The following PTPRG variants were observed in gnomAD, a reference collection of about 807,000 sequenced individuals.
The protein encoded by PTPRG is protein tyrosine phosphatase receptor type G.
PTPRG carries 102 observed loss-of-function variants against 165.3 expected under a neutral mutation model. That is an observed-to-expected ratio of 0.62 (90% CI 0.53 to 0.73). PTPRG has a LOEUF of 0.73. PTPRG is among the 30% of genes least tolerant of loss of function. The probability of loss-of-function intolerance (pLI) is 0.00; values close to 1 mark genes in which losing one functional copy is unlikely to be tolerated. For synonymous variants in PTPRG, 675 were observed against 669.5 expected (o/e 1.01, Z -0.13); for missense variants, 1,866 against 1,861.4 (o/e 1.00, Z -0.05).
intron 4 of PTPRG, among the ~76,000 whole-genome samples, chr3:62,004,258 C>T (rs963322086): frequency 1.3e-5 from 2 of 152,018 alleles, no homozygotes; most frequent in African/African-American, 4.8e-5. Context: ...TGGTAGGTCC[C>T]CCATGTGGTA....
In PTPRG at chr3:62,182,223, C is replaced by T. The variant is rs116636982; in HGVS notation, c.1034-9246C>T. ...TTGCCCTGTCTCAGGGGTGGAAATT[C>T]ACTTATAAATTGACCCATGCAGTTC... is the stretch of plus-strand genomic sequence containing the variant. On this transcript the variant is annotated intron_variant, in intron 8 of 29. Transcript: ENST00000474889. 8.2e-3 allele frequency among the ~76,000 whole-genome samples: 1,242 copies of T among 152,200 alleles called. 14 individuals are homozygous for T. The highest frequency in any genetic ancestry group is 0.029 in the African/African-American group (1,186 of 41,504).
At chr3:61,730,981 G>C (rs1038807656) in intron 1 of PTPRG, among the ~76,000 whole-genome samples, 1 of 152,144 alleles carries the variant, frequency 6.6e-6, no homozygotes, top group Admixed American at 6.5e-5. Context: ...TGTATTTGCT[G>C]TGGGCCCCTT....
At chr3:62,145,049 A>G (rs1704068669) in intron 6 of PTPRG, among the ~76,000 whole-genome samples, 1 of 152,080 alleles carries the variant, frequency 6.6e-6, no homozygotes, top group Non-Finnish European at 1.5e-5. Context: ...CCTACTGCAA[A>G]AGTGCCTGCT....
At chr3:62,122,947 C>A (rs1480565943) in intron 5 of PTPRG, among the ~76,000 whole-genome samples, 3 of 152,160 alleles carry the variant, frequency 2.0e-5, no homozygotes, top group African/African-American at 7.2e-5. Flanking sequence ...AGAACTAGAT[C>A]ATCAGTTCTA....
chr3:61,905,405 T>C (rs1251283697), intron 2 of PTPRG, among the ~76,000 whole-genome samples: 4 of 152,186 alleles, frequency 2.6e-5, no homozygotes, highest in African/African-American at 9.7e-5. Flanking sequence ...TGTTTTTTAA[T>C]GGATCACTTC....
At chr3:61,831,588 A>G (rs989323000) in intron 2 of PTPRG, among the ~76,000 whole-genome samples, 7 of 141,838 alleles carry the variant, frequency 4.9e-5, no homozygotes, top group African/African-American at 1.2e-4. Context: ...GACAGCATCC[A>G]TCTGGTATCT....
chr3:61,738,932 T>C (rs1489607493), intron 1 of PTPRG, among the ~76,000 whole-genome samples: 1 of 149,832 alleles, frequency 6.7e-6, no homozygotes, highest in Non-Finnish European at 1.5e-5. Flanking sequence ...TGGCTAATTT[T>C]CATTTTTATT....
chr3:62,069,683 C>CACA (rs1701142686), intron 4 of PTPRG, among the ~76,000 whole-genome samples: 1 of 146,188 alleles, frequency 6.8e-6, no homozygotes, highest in South Asian at 2.2e-4. Flanking sequence ...CTCTCTCTCT[C>CACA]TCACACACAG....
intron 1 of PTPRG, among the ~76,000 whole-genome samples, chr3:61,610,775 C>A (rs1405746574): frequency 4.1e-5 from 6 of 145,780 alleles, no homozygotes; most frequent in African/African-American, 1.6e-4. Flanking sequence ...CCCTCCCTAC[C>A]TCCCTCCCTC....
At chr3:62,078,079 AAT>A in intron 4 of PTPRG, 82 bp from the exon 5 acceptor site, 1 of 852,554 alleles carries the variant, frequency 1.2e-6, no homozygotes, top group Non-Finnish European at 1.8e-6. Context: ...GCAACTGGGG[AAT>A]ATACATTTAT....
At chr3:61,992,555 T>C (rs527688880) in intron 3 of PTPRG, among the ~76,000 whole-genome samples, 4 of 151,902 alleles carry the variant, frequency 2.6e-5, no homozygotes, top group African/African-American at 9.7e-5. Context: ...GTCTCGCTCT[T>C]GTCACCCAGG....
intron 1 of PTPRG, among the ~76,000 whole-genome samples, chr3:61,611,152 A>T (rs202161654): frequency 3.3e-5 from 5 of 152,164 alleles, no homozygotes; most frequent in Non-Finnish European, 7.3e-5. Context: ...CAGAGATCCT[A>T]ATCATCCTGT....
At chr3:61,781,152 T>C (rs960360328) in intron 2 of PTPRG, among the ~76,000 whole-genome samples, 1 of 152,238 alleles carries the variant, frequency 6.6e-6, no homozygotes, top group East Asian at 1.9e-4. Flanking sequence ...GGAGGAAAGA[T>C]GCCTTGGGGC....
At chr3:61,746,391 AG>A (rs1386938808) in intron 1 of PTPRG, among the ~76,000 whole-genome samples, 1 of 151,734 alleles carries the variant, frequency 6.6e-6, no homozygotes, top group East Asian at 1.9e-4. Flanking sequence ...TTGTATTTTT[AG>A]TAGAGACAGG....
rs1559743166 is a variant in PTPRG at position 62,273,685 on chromosome 3, T to C, written c.3319-13T>C. 3.1e-6 allele frequency: 5 copies of C among 1,612,468 alleles called. No homozygotes were observed. Among genetic ancestry groups the C allele is most frequent in the Non-Finnish European group, 4.2e-6 (5 of 1,178,640 alleles). On this transcript the variant is annotated splice_polypyrimidine_tract_variant and intron_variant, in intron 22 of 29. Transcript: ENST00000474889. This position sits in a 1 kb window ranked among gnomAD's most constrained non-coding sequence, Gnocchi z 4.1. ...ACACTCCCTCAGTGACTACCATGTA[T>C]TGTACCTCTTAGGAGCAGTACATTT...
intron 2 of PTPRG, among the ~76,000 whole-genome samples, chr3:61,867,997 C>T (rs1237518484): frequency 6.6e-6 from 1 of 152,152 alleles, no homozygotes; most frequent in Non-Finnish European, 1.5e-5. Flanking sequence ...TCCTTATAAC[C>T]TTGGCCATCC....
chr3:61,790,018 G>C lies in PTPRG; in HGVS notation c.190+41036G>C, dbSNP rs541678387. On this transcript the variant is annotated intron_variant, in intron 2 of 29. Transcript: ENST00000474889. ...TGGTACCATCAGGGTCGGCATGGCC[G>C]TGGGATTCAGCTGATGTGCTTATTC... Among the ~76,000 whole-genome samples the C allele has an allele frequency of 5.3e-5, 8 of 152,272 alleles. No homozygotes were observed. In the South Asian group the frequency reaches 8.3e-4, roughly 16 times the overall value.
intron 1 of PTPRG, among the ~76,000 whole-genome samples, chr3:61,687,128 C>G (rs1703659900): frequency 6.6e-6 from 1 of 152,142 alleles, no homozygotes; most frequent in Admixed American, 6.6e-5. Flanking sequence ...GAAATGAAAC[C>G]AAGTATCTGT....
intron 6 of PTPRG, among the ~76,000 whole-genome samples, chr3:62,134,864 G>A (rs565718253): frequency 1.3e-5 from 2 of 152,326 alleles, no homozygotes; most frequent in South Asian, 4.1e-4. Context: ...GGGATGAAGG[G>A]AAGGAGGAAC....
Sources: gnomAD v4.1 joint callset for allele counts (sites outside exome capture counted in the v4.1 genomes callset) on GRCh38, gnomAD v4.1.1 for gene constraint, Gnocchi (gnomAD v3.1) non-coding constraint, MANE v1.5 for transcripts, NCBI Gene and HGNC (gene_info 2026-07-23, HGNC 2026-07-21) for gene names.